ACYP1: variants seen among roughly 807,000 people sequenced by gnomAD.
The protein encoded by ACYP1 is acylphosphatase 1.
In ACYP1, 8 loss-of-function variants were observed where a neutral mutation model predicts 10.4. The ratio of observed to expected loss-of-function variants is 0.77; its 90% CI spans 0.45 to 1.38. The LOEUF is 1.38. Among genes scored for constraint, ACYP1 ranks in the 40% most tolerant of loss-of-function variants. The pLI is 0.00. For missense variants in ACYP1, 93 were observed against 117.3 expected (o/e 0.79, Z 0.96); for synonymous variants, 38 against 40.8 (o/e 0.93, Z 0.26).
intron 2 of ACYP1, among the ~76,000 whole-genome samples, chr14:75,058,872 C>T (rs1252705547): frequency 6.6e-6 from 1 of 152,124 alleles, no homozygotes; most frequent in Non-Finnish European, 1.5e-5. Context: ...GATCAAAGAC[C>T]TCAATCTAAG....
rs1298649427 is a variant in ACYP1, at chr14:75,060,180, CT to C, written c.84+3289del. The stretch of plus-strand genomic sequence containing the variant: ...AATATTTTGGGATTTTCCAGTTATC[CT>C]TTTTATTTTTTTAATGTGGTTTAGT... On this transcript the variant is annotated intron_variant, in intron 2 of 2. Transcript: ENST00000238618. The C allele has an allele frequency of 1.8e-5, 11 of 625,896 alleles. No individual in the cohort carries two copies. The South Asian group carries it at 1.8e-4, about 10-fold the overall frequency. The allele number at this position is 625,896 out of a possible 1,614,324, so 38.8% of individuals were successfully genotyped here. A position where few individuals can be genotyped will look rare whatever the true frequency, so the allele number is the denominator to read the frequency against.
upstream of ACYP1, among the ~76,000 whole-genome samples, chr14:75,065,761 C>A (rs1893132440): frequency 6.6e-6 from 1 of 152,164 alleles, no homozygotes. Flanking sequence ...GAAAATATTA[C>A]AAAGGAGCAA....
intron 1 of ACYP1, among the ~76,000 whole-genome samples, 194 bp from the exon 2 acceptor site, chr14:75,063,755 G>A (rs540738982): frequency 6.6e-6 from 1 of 152,246 alleles, no homozygotes; most frequent in East Asian, 1.9e-4. Flanking sequence ...CGCCGGGAGA[G>A]GGAGCTTCGG....
chr14:75,066,095 TCA>T (rs1893138242), upstream of ACYP1, among the ~76,000 whole-genome samples: 1 of 152,170 alleles, frequency 6.6e-6, no homozygotes, highest in South Asian at 2.1e-4. Flanking sequence ...TAACACACAG[TCA>T]GGGATGAGAC....
intron 2 of ACYP1, among the ~76,000 whole-genome samples, chr14:75,054,217 C>T (rs1892819838): frequency 6.6e-6 from 1 of 152,200 alleles, no homozygotes; most frequent in African/African-American, 2.4e-5. Context: ...AACTGTCTAA[C>T]CCAACATCTT....
At chr14:75,064,036 C>G (rs1358684449), upstream of ACYP1, 1 of 988,230 alleles carries the variant, frequency 1.0e-6, no homozygotes, top group Non-Finnish European at 1.2e-6. Flanking sequence ...AACCTCCGCG[C>G]CCGGAAGTTT....
At chr14:75,055,110 G>A (rs1350155747) in intron 2 of ACYP1, among the ~76,000 whole-genome samples, 3 of 119,438 alleles carry the variant, frequency 2.5e-5, no homozygotes, top group Non-Finnish European at 4.9e-5. Context: ...TTTTTGAGAC[G>A]GAGTCTCGCT....
chr14:75,058,969 G>T (rs937805485), intron 2 of ACYP1, among the ~76,000 whole-genome samples: 20 of 152,062 alleles, frequency 1.3e-4, no homozygotes, highest in Non-Finnish European at 2.5e-4. Context: ...GGAGGCTGAG[G>T]CGGGTGGATC....
chr14:75,065,320 C>CA (rs1893124489), upstream of ACYP1, among the ~76,000 whole-genome samples: 1 of 152,188 alleles, frequency 6.6e-6, no homozygotes, highest in South Asian at 2.1e-4. Flanking sequence ...GGGTTTGTGA[C>CA]AGTAGGCACG....
intron 2 of ACYP1, chr14:75,061,783 A>C: frequency 6.5e-7 from 1 of 1,541,102 alleles, no homozygotes; most frequent in Non-Finnish European, 8.9e-7. Context: ...GTCAGATGGG[A>C]AGAAATGATT....
intron 2 of ACYP1, 127 bp downstream of exon 2, chr14:75,063,343 C>T (rs780505791): frequency 2.7e-6 from 2 of 728,838 alleles, no homozygotes; most frequent in Non-Finnish European, 4.9e-6. Flanking sequence ...CATTGCTCTA[C>T]AAACTACCTC....
At chr14:75,058,640 A>G (rs1316782943) in intron 2 of ACYP1, among the ~76,000 whole-genome samples, 1 of 151,286 alleles carries the variant, frequency 6.6e-6, no homozygotes, top group Admixed American at 6.6e-5. Context: ...TGAAGGGGAC[A>G]AACATCTCAA....
upstream of ACYP1, among the ~76,000 whole-genome samples, chr14:75,067,187 AC>A (rs1893155993): frequency 1.3e-3 from 2 of 1,582 alleles, no homozygotes; most frequent in Non-Finnish European, 0.012. Flanking sequence ...GGAACTACAC[AC>A]ACACACACAC....
chr14:75,066,386 G>C (rs1443994324), upstream of ACYP1, among the ~76,000 whole-genome samples: 1 of 151,774 alleles, frequency 6.6e-6, no homozygotes, highest in Admixed American at 6.6e-5. Flanking sequence ...ATAAAGCTGG[G>C]GGGGGGTGGA....
upstream of ACYP1, among the ~76,000 whole-genome samples, chr14:75,065,800 GAA>G (rs984486933): frequency 6.6e-6 from 1 of 152,196 alleles, no homozygotes; most frequent in Non-Finnish European, 1.5e-5. Context: ...GGAAGACAGG[GAA>G]AGAGTTCTTG....
upstream of ACYP1, among the ~76,000 whole-genome samples, chr14:75,066,837 G>A (rs535585032): frequency 1.3e-5 from 2 of 152,120 alleles, no homozygotes; most frequent in African/African-American, 4.8e-5. Flanking sequence ...GGATGACAGA[G>A]CAAGACTGTC....
At chr14:75,055,006 T>C (rs538738541) in intron 2 of ACYP1, among the ~76,000 whole-genome samples, 1 of 151,034 alleles carries the variant, frequency 6.6e-6, no homozygotes, top group South Asian at 2.1e-4. Flanking sequence ...GCTGTAAGAA[T>C]GTGCAGTTTT....
intron 2 of ACYP1, among the ~76,000 whole-genome samples, chr14:75,062,659 CAAAAA>C (rs534860020): frequency 2.8e-3 from 290 of 103,382 alleles, no homozygotes; most frequent in African/African-American, 9.4e-3. Context: ...ACTAAAAATA[CAAAAA>C]AAAAAAAAAA....
Position 75,063,526 on chromosome 14 carries a change from CTGATATCA to C in ACYP1, c.20_27del (p.Leu7ArgfsTer4), listed in dbSNP as rs1566621104. ...ACCTTCCCAAAAATTTCATAATCCA[CTGATATCA>C]GGGTGTTTCCTTCTGCCATGCTCAA... is the stretch of plus-strand genomic sequence containing the variant. On this transcript the variant is annotated frameshift_variant, in exon 2 of 3. Transcript: ENST00000238618. LOFTEE classifies it high-confidence loss of function. 1.2e-6 allele frequency: 2 copies of C among 1,613,736 alleles called. No homozygotes were observed. Among genetic ancestry groups the C allele is most frequent in the Non-Finnish European group, 1.7e-6 (2 of 1,179,912 alleles).
Sources: gnomAD v4.1 joint callset for allele counts (sites outside exome capture counted in the v4.1 genomes callset) on GRCh38, gnomAD v4.1.1 for gene constraint, MANE v1.5 for transcripts, NCBI Gene and HGNC (gene_info 2026-07-23, HGNC 2026-07-21) for gene names.